Variants in UGGT1 observed in about 807,000 individuals in gnomAD.
UGGT1 encodes the protein UDP-glucose glycoprotein glucosyltransferase 1, also known as UDP-glucose:glycoprotein glucosyltransferase 1.
In UGGT1, 107 loss-of-function variants were observed where a neutral mutation model predicts 203.9. The observed-to-expected ratio is 0.52, with a 90% CI of 0.45 to 0.62. The LOEUF (loss-of-function observed/expected upper bound fraction) is 0.62, where lower values mean the gene tolerates loss of function less well. Among genes scored for constraint, UGGT1 ranks in the 20% least tolerant of loss-of-function variants. UGGT1 has a pLI of 0.00. For missense variants in UGGT1, 1,673 were observed against 1,867.2 expected (o/e 0.90, Z 1.92); for synonymous variants, 628 against 653.5 (o/e 0.96, Z 0.59).
chr2:128,092,493 A>T (rs1053549736), intron 1 of UGGT1, among the ~76,000 whole-genome samples: 3 of 151,792 alleles, frequency 2.0e-5, no homozygotes, highest in African/African-American at 7.2e-5. Flanking sequence ...ATATGAAAGT[A>T]AGAAGAAAAT....
intron 27 of UGGT1, 60 bp from the exon 28 acceptor site, chr2:128,171,145 A>G: frequency 6.7e-7 from 1 of 1,489,638 alleles, no homozygotes; most frequent in Non-Finnish European, 9.2e-7. Flanking sequence ...GCTCAGTGTC[A>G]AATAATAAAT....
rs146780648 is a variant in UGGT1, at chr2:128,110,933, G to T, written c.521+1187G>T. On this transcript the variant is annotated intron_variant, in intron 5 of 40. Transcript: ENST00000259253. ...ATCTGTATTCATGTCTTTACTTTCTGCTGAGTTGTATAGTTTATTATAATA... is the reference window on the plus strand; with the variant it reads ...ATCTGTATTCATGTCTTTACTTTCTTCTGAGTTGTATAGTTTATTATAATA... Among the ~76,000 whole-genome samples, 809 of 152,222 alleles carry T rather than the reference G, an allele frequency of 5.3e-3. 12 individuals carry two copies. The highest frequency in any genetic ancestry group is 0.017 in the African/African-American group (713 of 41,556).
intron 3 of UGGT1, among the ~76,000 whole-genome samples, chr2:128,105,966 T>A (rs936820873): frequency 6.6e-6 from 1 of 152,092 alleles, no homozygotes; most frequent in African/African-American, 2.4e-5. Flanking sequence ...CCTGGCTAAT[T>A]TTTAAATTTT....
intron 37 of UGGT1, 48 bp downstream of exon 37, chr2:128,182,338 A>C: frequency 6.4e-7 from 1 of 1,553,262 alleles, no homozygotes; most frequent in Non-Finnish European, 8.7e-7. Flanking sequence ...TTTCCTTAAA[A>C]TTGATTTTGT....
At position 128,149,642 on chromosome 2, in the gene UGGT1, G is replaced by A. The variant is rs372879285; in HGVS notation, c.2017-3142G>A. Reference sequence around the variant, plus strand: ...AAAAAAATTAGCTGGACATGGTGGCGGGCGCCTGTAGTCCCAGCTACTCAG... The same window carrying A: ...AAAAAAATTAGCTGGACATGGTGGCAGGCGCCTGTAGTCCCAGCTACTCAG... On this transcript the variant is annotated intron_variant, in intron 18 of 40. Transcript: ENST00000259253. Among the ~76,000 whole-genome samples, 12 of 151,842 alleles carry A rather than the reference G, an allele frequency of 7.9e-5. No homozygotes were observed. The East Asian group carries it at 1.8e-3, about 22-fold the overall frequency.
At chr2:128,132,859 C>T (rs558230236) in intron 13 of UGGT1, among the ~76,000 whole-genome samples, 1 of 152,190 alleles carries the variant, frequency 6.6e-6, no homozygotes, top group East Asian at 1.9e-4. Context: ...CAGCAGCCAC[C>T]ATGCCTGGCT....
At chr2:128,095,754 T>C (rs1338673780) in intron 1 of UGGT1, among the ~76,000 whole-genome samples, 1 of 152,204 alleles carries the variant, frequency 6.6e-6, no homozygotes, top group Non-Finnish European at 1.5e-5. Flanking sequence ...ATTTTGCTTT[T>C]GACCATCGTT....
In UGGT1 at chr2:128,192,115, A is replaced by G. The variant is rs1465983817; in HGVS notation, c.*2373A>G. On this transcript the variant is annotated 3_prime_UTR_variant, in exon 41 of 41. Coordinates refer to ENST00000259253, the MANE Select transcript of UGGT1 (RefSeq NM_020120.4). The stretch of plus-strand genomic sequence containing the variant: ...ATCTGTGCAGGGAAGACAAGAGTAG[A>G]CCATATTCTCTGTGTGCTGTGCATG... 1 of 152,136 alleles carries G rather than the reference A, an allele frequency of 6.6e-6. No individual in the cohort carries two copies. The highest frequency in any genetic ancestry group is 6.6e-5 in the Admixed American group (1 of 15,262). The allele number at this position is 152,136 out of a possible 1,614,324, so 9.4% of individuals were successfully genotyped here. A position where few individuals can be genotyped will look rare whatever the true frequency, so the allele number is the denominator to read the frequency against.
chr2:128,105,601 G>A, intron 3 of UGGT1, among the ~76,000 whole-genome samples: 1 of 150,970 alleles, frequency 6.6e-6, no homozygotes, highest in East Asian at 2.0e-4. Context: ...TGCAATCTCT[G>A]CCACTTGAGC....
rs559178733 is a variant in UGGT1 at position 128,106,783 on chromosome 2, CG to C, written c.278-1152del. The stretch of plus-strand genomic sequence containing the variant: ...CAGGCTGGTCTTGAACTCCTGACCT[CG>C]GGTGATCCACCCACCTGCCCCTTCC... On this transcript the variant is annotated intron_variant, in intron 3 of 40. Coordinates refer to ENST00000259253, the MANE Select transcript of UGGT1 (RefSeq NM_020120.4). Among the ~76,000 whole-genome samples the C allele has an allele frequency of 5.7e-4, 86 of 152,204 alleles. 1 individual carries two copies. Among genetic ancestry groups the C allele is most frequent in the African/African-American group, 2.0e-3 (82 of 41,524 alleles).
chr2:128,093,746 G>A (rs1460689078), intron 1 of UGGT1, among the ~76,000 whole-genome samples: 3 of 152,132 alleles, frequency 2.0e-5, no homozygotes, highest in Non-Finnish European at 2.9e-5. Context: ...GGAAGGTGTG[G>A]GTTCTAAGCA....
chr2:128,187,358 C>A, intron 39 of UGGT1, 91 bp from the exon 40 acceptor site: 1 of 1,395,280 alleles, frequency 7.2e-7, no homozygotes, highest in Admixed American at 2.5e-5. Flanking sequence ...GTTTTCTTGT[C>A]CAGTTAGGAC....
intron 25 of UGGT1, among the ~76,000 whole-genome samples, chr2:128,163,354 T>G (rs1291940557): frequency 6.6e-6 from 1 of 151,468 alleles, no homozygotes; most frequent in Non-Finnish European, 1.5e-5. Flanking sequence ...ATTTAGTCTT[T>G]GGTTCAGCAA....
At position 128,183,724 on chromosome 2, in the gene UGGT1, GA is replaced by G; in HGVS notation, c.4295del (p.Asp1432AlafsTer10). On this transcript the variant is annotated frameshift_variant, in exon 38 of 41. Transcript: ENST00000259253. LOFTEE classifies it high-confidence loss of function. ...LKKFRKIAAG[D>X]RLRGQYQGLS... is the part of the protein sequence containing the mutation. ...GAAGTTTAGGAAAATAGCTGCTGGT[GA>G]CAGACTCAGGGGACAGTACCAAGGT... 6.2e-7 allele frequency: 1 copy of G among 1,614,034 alleles called. No homozygotes were observed. The highest frequency in any genetic ancestry group is 8.5e-7 in the Non-Finnish European group (1 of 1,179,974).
At chr2:128,154,709 G>A (rs1690144350) in intron 19 of UGGT1, among the ~76,000 whole-genome samples, 1 of 152,248 alleles carries the variant, frequency 6.6e-6, no homozygotes. Context: ...TCAAGTGACA[G>A]TGTAGATGGA....
intron 18 of UGGT1, among the ~76,000 whole-genome samples, chr2:128,151,995 TA>T (rs1689996892): frequency 6.6e-6 from 1 of 152,216 alleles, no homozygotes; most frequent in South Asian, 2.1e-4. Context: ...CTTCAAGAAG[TA>T]TAACTATTTC....
chr2:128,092,181 A>G (rs1045374812), intron 1 of UGGT1, among the ~76,000 whole-genome samples: 2 of 151,490 alleles, frequency 1.3e-5, no homozygotes, highest in Non-Finnish European at 2.9e-5. Context: ...AAGACATTTT[A>G]AATAGCTATT....
chr2:128,160,331 A>G (rs1253461143), intron 23 of UGGT1, 129 bp from the exon 24 acceptor site: 1 of 951,032 alleles, frequency 1.1e-6, no homozygotes, highest in African/African-American at 1.7e-5. Context: ...ACACATCTTA[A>G]TGTTAATTAT....
At chr2:128,108,219 G>A (rs1241280600) in intron 4 of UGGT1, 151 bp downstream of exon 4, 3 of 1,002,038 alleles carry the variant, frequency 3.0e-6, no homozygotes, top group Non-Finnish European at 4.2e-6. Context: ...AAAATAATAA[G>A]CAAAATTGAT....
Sources: allele counts gnomAD v4.1 joint callset (sites outside exome capture counted in the v4.1 genomes callset), GRCh38; gene constraint gnomAD v4.1.1; transcripts MANE v1.5; gene names NCBI Gene and HGNC (gene_info 2026-07-23, HGNC 2026-07-21).